Variants in QTGAL observed in about 807,000 individuals in gnomAD.
QTGAL encodes queuosine-tRNA galactosyltransferase.
chr17:82,961,373 T>C, the QTGAL span: 25 of 269,710 alleles, frequency 9.3e-5, no homozygotes, highest in Admixed American at 1.9e-4. Flanking sequence ...ACCGAGCTTC[T>C]CCACAGGCGG....
the QTGAL span, among the ~76,000 whole-genome samples, chr17:82,962,254 A>G: frequency 1.3e-5 from 2 of 152,182 alleles, no homozygotes; most frequent in African/African-American, 4.8e-5. Flanking sequence ...TCCACGTCCA[A>G]AAAAAAGGCA....
chr17:82,946,937 A>C, the QTGAL span: 1 of 1,569,950 alleles, frequency 6.4e-7, no homozygotes, highest in Middle Eastern at 1.7e-4. Context: ...GCCCTCCTGC[A>C]AGTGCAGTGA....
At chr17:82,956,960 C>T in the QTGAL span, 1 of 934,712 alleles carries the variant, frequency 1.1e-6, no homozygotes, top group Non-Finnish European at 1.7e-6. The surrounding 1 kb of genome is among the most constrained non-coding windows in gnomAD (Gnocchi z 5.7). Context: ...CCCCGCCTGA[C>T]ACCCGACTGC....
the QTGAL span, chr17:83,030,701 G>A: frequency 6.6e-6 from 1 of 152,480 alleles, no homozygotes; most frequent in Non-Finnish European, 1.5e-5. Context: ...CCCGTCTGCA[G>A]CGCCCGCCCC....
the QTGAL span, among the ~76,000 whole-genome samples, chr17:83,041,624 C>T: frequency 6.6e-6 from 1 of 152,222 alleles, no homozygotes; most frequent in East Asian, 1.9e-4. Context: ...GAGCCTATGT[C>T]TAGGTAAACC....
At chr17:83,021,202 C>CTGGA in the QTGAL span, among the ~76,000 whole-genome samples, 2 of 152,122 alleles carry the variant, frequency 1.3e-5, no homozygotes, top group Middle Eastern at 3.2e-3. Flanking sequence ...CAACACTGTA[C>CTGGA]TGGAGGTCCT....
the QTGAL span, among the ~76,000 whole-genome samples, chr17:82,986,862 G>T: frequency 6.6e-6 from 1 of 152,230 alleles, no homozygotes; most frequent in Non-Finnish European, 1.5e-5. Flanking sequence ...GCTATTAGAG[G>T]TGGACGTCCT....
chr17:83,016,812 C>A, the QTGAL span, among the ~76,000 whole-genome samples: 1 of 151,858 alleles, frequency 6.6e-6, no homozygotes, highest in Non-Finnish European at 1.5e-5. Context: ...GGCTAAAAAC[C>A]TGCATATGAC....
chr17:82,942,820 C>G, the QTGAL span: 1 of 383,504 alleles, frequency 2.6e-6, no homozygotes, highest in Non-Finnish European at 4.7e-6. Context: ...GACCAGGCCC[C>G]CTTCTTGCCT....
chr17:82,944,311 C>G, the QTGAL span: 1 of 152,138 alleles, frequency 6.6e-6, no homozygotes, highest in Non-Finnish European at 1.5e-5. Flanking sequence ...CACTTGTGCT[C>G]ACCAGACACC....
the QTGAL span, chr17:82,965,767 C>A: frequency 6.3e-7 from 1 of 1,594,718 alleles, no homozygotes; most frequent in Admixed American, 1.7e-5. Flanking sequence ...TTAACGTTGA[C>A]AGAGTTAGCG....
At chr17:83,016,543 A>G in the QTGAL span, among the ~76,000 whole-genome samples, 1 of 59,094 alleles carries the variant, frequency 1.7e-5, no homozygotes, top group South Asian at 7.6e-4. Context: ...TGGAGAAGGG[A>G]GGAGGGAGTA....
chr17:82,999,003 T>C, the QTGAL span, among the ~76,000 whole-genome samples: 40,720 of 150,390 alleles, frequency 0.27, 5,663 homozygotes, highest in East Asian at 0.37. Context: ...GGCAAGGACA[T>C]GGAAGAACTG....
At chr17:83,034,838 A>G in the QTGAL span, among the ~76,000 whole-genome samples, 1 of 152,248 alleles carries the variant, frequency 6.6e-6, no homozygotes, top group Admixed American at 6.5e-5. Flanking sequence ...CTGTGAGTCT[A>G]TTAAACTTCT....
chr17:82,951,859 A>T, the QTGAL span, among the ~76,000 whole-genome samples: 14 of 152,036 alleles, frequency 9.2e-5, no homozygotes, highest in Non-Finnish European at 1.9e-4. Flanking sequence ...GCATTTTATC[A>T]ATCAAGTTCA....
the QTGAL span, chr17:83,048,561 C>G: frequency 3.1e-6 from 5 of 1,613,854 alleles, no homozygotes; most frequent in South Asian, 4.4e-5. Flanking sequence ...ATGATAGCCC[C>G]AGACTTGTCC....
the QTGAL span, among the ~76,000 whole-genome samples, chr17:82,983,667 G>A: frequency 6.6e-6 from 1 of 152,224 alleles, no homozygotes; most frequent in Admixed American, 6.5e-5. Flanking sequence ...AGGAACAGTC[G>A]CACAGCAGAT....
chr17:83,038,581 G>A, the QTGAL span, among the ~76,000 whole-genome samples: 7 of 152,254 alleles, frequency 4.6e-5, no homozygotes, highest in South Asian at 4.2e-4. Flanking sequence ...ATATTAGGCC[G>A]GGCGCAGTGT....
At chr17:83,022,283 G>A in the QTGAL span, among the ~76,000 whole-genome samples, 1 of 149,010 alleles carries the variant, frequency 6.7e-6, no homozygotes, top group Admixed American at 6.7e-5. Flanking sequence ...CACTGTCCCC[G>A]CCCCACCTGC....
Sources: gnomAD v4.1 joint callset for allele counts (sites outside exome capture counted in the v4.1 genomes callset) on GRCh38, gnomAD v4.1.1 for gene constraint, Gnocchi (gnomAD v3.1) non-coding constraint, MANE v1.5 for transcripts, NCBI Gene and HGNC (gene_info 2026-07-23, HGNC 2026-07-21) for gene names.